STT3B: variants seen among roughly 807,000 people sequenced by gnomAD.
The protein encoded by STT3B is dolichyl-diphosphooligosaccharide--protein glycosyltransferase subunit STT3B.
A neutral mutation model predicts 96.8 loss-of-function variants in STT3B; 29 were observed. That is an observed-to-expected ratio of 0.30 (90% CI 0.22 to 0.41). STT3B has a LOEUF of 0.41. Ranked by LOEUF, STT3B falls within the 10% of genes least tolerant of loss-of-function variation. STT3B has a pLI of 1.00. For synonymous variants in STT3B, 367 were observed against 360.0 expected (o/e 1.02, Z -0.22); for missense variants, 640 against 1,022.3 (o/e 0.63, Z 5.10).
chr3:31,634,736 A>G (rs1699726740), intron 15 of STT3B, among the ~76,000 whole-genome samples: 1 of 152,110 alleles, frequency 6.6e-6, no homozygotes, highest in Admixed American at 6.6e-5. Context: ...AGTAGGAGAA[A>G]AGCACCCTGA....
At chr3:31,561,488 A>G (rs1697876251) in intron 1 of STT3B, among the ~76,000 whole-genome samples, 1 of 152,012 alleles carries the variant, frequency 6.6e-6, no homozygotes, top group African/African-American at 2.4e-5. Flanking sequence ...TAGTCACCCT[A>G]TTGTGCTATC....
chr3:31,559,469 T>A (rs1387057007), intron 1 of STT3B, among the ~76,000 whole-genome samples: 1 of 152,014 alleles, frequency 6.6e-6, no homozygotes, highest in African/African-American at 2.4e-5. Context: ...CAGTGGCCAT[T>A]TGGGAGCATG....
intron 12 of STT3B, 75 bp from the exon 13 acceptor site, chr3:31,625,876 TGTA>T (rs1699526476): frequency 1.5e-6 from 2 of 1,309,818 alleles, no homozygotes; most frequent in South Asian, 1.5e-5. Flanking sequence ...AATTCCATGT[TGTA>T]GTAAAAAATA....
At chr3:31,628,045 A>T (rs914032285) in intron 13 of STT3B, among the ~76,000 whole-genome samples, 1 of 152,246 alleles carries the variant, frequency 6.6e-6, no homozygotes, top group East Asian at 1.9e-4. Flanking sequence ...GGTAATAACA[A>T]TGTATTGTGT....
At chr3:31,607,980 T>C (rs952574398) in intron 5 of STT3B, among the ~76,000 whole-genome samples, 1 of 152,182 alleles carries the variant, frequency 6.6e-6, no homozygotes, top group African/African-American at 2.4e-5. Context: ...GTATTCAGTA[T>C]GTAATTAAAC....
chr3:31,613,495 G>A (rs1296278917), intron 5 of STT3B, among the ~76,000 whole-genome samples: 2 of 152,046 alleles, frequency 1.3e-5, no homozygotes, highest in African/African-American at 4.8e-5. Context: ...TATCTGAAAG[G>A]CCTGTTGATC....
intron 1 of STT3B, among the ~76,000 whole-genome samples, chr3:31,553,442 A>C (rs911340737): frequency 4.6e-5 from 7 of 152,250 alleles, no homozygotes; most frequent in African/African-American, 1.7e-4. Flanking sequence ...AGTAAAAAAG[A>C]ATAAACTGTT....
At chr3:31,634,014 C>T (rs1575451415) in intron 15 of STT3B, among the ~76,000 whole-genome samples, 1 of 152,010 alleles carries the variant, frequency 6.6e-6, no homozygotes. Flanking sequence ...ATTCAAAATA[C>T]AGATGATTTT....
At chr3:31,578,801 G>T in intron 2 of STT3B, among the ~76,000 whole-genome samples, 1 of 151,822 alleles carries the variant, frequency 6.6e-6, no homozygotes, top group East Asian at 1.9e-4. Flanking sequence ...TCTTGTGAGC[G>T]TAGGCAGTTA....
chr3:31,539,504 A>G (rs1356102456), intron 1 of STT3B, among the ~76,000 whole-genome samples: 1 of 152,092 alleles, frequency 6.6e-6, no homozygotes, highest in East Asian at 1.9e-4. Context: ...TCCTCTTACC[A>G]CACCCTCTGC....
chr3:31,627,085 C>G (rs533969534), intron 13 of STT3B, among the ~76,000 whole-genome samples: 2 of 152,280 alleles, frequency 1.3e-5, no homozygotes, highest in East Asian at 3.9e-4. Flanking sequence ...CATCTGTACT[C>G]ATCACCAAAT....
chr3:31,612,850 A>G (rs977225918), intron 5 of STT3B, among the ~76,000 whole-genome samples: 2 of 152,198 alleles, frequency 1.3e-5, no homozygotes, highest in East Asian at 1.9e-4. Context: ...AAGAGAAAGT[A>G]TGAATATGAC....
intron 5 of STT3B, among the ~76,000 whole-genome samples, chr3:31,601,851 A>G (rs562126085): frequency 3.3e-5 from 5 of 152,330 alleles, no homozygotes; most frequent in Non-Finnish European, 7.4e-5. Flanking sequence ...TGATACTGTG[A>G]GGGTAGGTAC....
intron 1 of STT3B, among the ~76,000 whole-genome samples, chr3:31,557,163 C>A (rs1323844969): frequency 6.6e-6 from 1 of 152,188 alleles, no homozygotes; most frequent in Non-Finnish European, 1.5e-5. Context: ...AGTGTTCGTT[C>A]TTGAAGCCTT....
chr3:31,620,274 CAAAAAAAAA>C (rs536047611), intron 9 of STT3B: 912 of 81,086 alleles, frequency 0.011, 24 homozygotes, highest in Non-Finnish European at 9.8e-3. Flanking sequence ...GACTCTGTCT[CAAAAAAAAA>C]AAAAAAAAGA....
intron 1 of STT3B, among the ~76,000 whole-genome samples, chr3:31,541,767 G>A (rs984419302): frequency 3.3e-5 from 5 of 152,034 alleles, no homozygotes; most frequent in African/African-American, 9.7e-5. Flanking sequence ...TAGCAGAGAC[G>A]AGGTTTCACC....
At chr3:31,580,263 G>A (rs1698353228) in intron 3 of STT3B, among the ~76,000 whole-genome samples, 167 bp downstream of exon 3, 1 of 152,044 alleles carries the variant, frequency 6.6e-6, no homozygotes, top group African/African-American at 2.4e-5. Flanking sequence ...AAATATGTTA[G>A]GCATCTCTCA....
intron 9 of STT3B, chr3:31,620,262 G>A (rs9859349): frequency 0.097 from 14,640 of 150,854 alleles, 774 homozygotes; most frequent in South Asian, 0.12. Context: ...GAATCAGAGC[G>A]GGACTCTGTC....
chr3:31,573,722 A>G (rs983201967), intron 1 of STT3B, among the ~76,000 whole-genome samples: 12 of 152,186 alleles, frequency 7.9e-5, no homozygotes, highest in Non-Finnish European at 1.6e-4. Flanking sequence ...GGGTAGTCAC[A>G]TAACACTGGT....
Sources: allele counts gnomAD v4.1 joint callset (sites outside exome capture counted in the v4.1 genomes callset), GRCh38; gene constraint gnomAD v4.1.1; transcripts MANE v1.5; gene names NCBI Gene and HGNC (gene_info 2026-07-23, HGNC 2026-07-21).